ITGA1: variants seen among roughly 807,000 people sequenced by gnomAD.
ITGA1 encodes integrin alpha-1.
In ITGA1, 85 loss-of-function variants were observed where a neutral mutation model predicts 145.9. That is an observed-to-expected ratio of 0.58 (90% CI 0.49 to 0.70). The LOEUF is 0.70. Ranked by LOEUF, ITGA1 falls within the 30% of genes least tolerant of loss-of-function variation. The pLI, the probability that ITGA1 is intolerant of heterozygous loss-of-function variation, is 0.00. For synonymous variants in ITGA1, 520 were observed against 495.3 expected (o/e 1.05, Z -0.66); for missense variants, 1,351 against 1,418.7 (o/e 0.95, Z 0.77).
intron 6 of ITGA1, among the ~76,000 whole-genome samples, chr5:52,878,260 A>G (rs1417108128): frequency 6.6e-6 from 1 of 152,216 alleles, no homozygotes; most frequent in Non-Finnish European, 1.5e-5. Flanking sequence ...GAAGCAAAGT[A>G]TCCAGAGCAG....
At chr5:52,834,487 AAG>A (rs1399509239) in intron 1 of ITGA1, among the ~76,000 whole-genome samples, 4 of 151,528 alleles carry the variant, frequency 2.6e-5, no homozygotes, top group Non-Finnish European at 4.4e-5. Context: ...GAGAGAGAAA[AAG>A]AAGGAAGGAA....
intron 12 of ITGA1, among the ~76,000 whole-genome samples, chr5:52,908,052 T>C (rs1215671529): frequency 2.0e-5 from 3 of 151,924 alleles, no homozygotes; most frequent in Non-Finnish European, 2.9e-5. Flanking sequence ...TCATCTAGGG[T>C]AAGAGAATGG....
chr5:52,908,120 G>A (rs1579711382), intron 12 of ITGA1, among the ~76,000 whole-genome samples: 1 of 152,134 alleles, frequency 6.6e-6, no homozygotes, highest in East Asian at 1.9e-4. Context: ...TGAGAGTTGG[G>A]GAAGAAGCCA....
chr5:52,870,194 G>T (rs1749756611), intron 6 of ITGA1, among the ~76,000 whole-genome samples: 1 of 152,110 alleles, frequency 6.6e-6, no homozygotes, highest in Non-Finnish European at 1.5e-5. Context: ...TGATTTGTTT[G>T]TTTGTTTGTT....
At chr5:52,892,323 A>C (rs1321061614) in intron 8 of ITGA1, among the ~76,000 whole-genome samples, 3 of 152,148 alleles carry the variant, frequency 2.0e-5, no homozygotes, top group Non-Finnish European at 4.4e-5. Flanking sequence ...CAAGTGAACA[A>C]AAAAAACTGA....
chr5:52,875,059 T>G (rs1749844065), intron 6 of ITGA1, among the ~76,000 whole-genome samples: 1 of 152,188 alleles, frequency 6.6e-6, no homozygotes, highest in African/African-American at 2.4e-5. Context: ...CTTATAAGTC[T>G]AAATAGAACA....
chr5:52,798,312 G>C (rs1377114294), intron 1 of ITGA1, among the ~76,000 whole-genome samples: 1 of 152,078 alleles, frequency 6.6e-6, no homozygotes, highest in Admixed American at 6.5e-5. Context: ...GAGAAACAAA[G>C]AGAAAAGAGG....
At position 52,939,608 on chromosome 5, in the gene ITGA1, C is replaced by T; in HGVS notation, c.3097C>T (p.His1033Tyr). The T allele has an allele frequency of 6.2e-7, 1 of 1,611,490 alleles. No individual in the cohort carries two copies. The highest frequency in any genetic ancestry group is 2.2e-5 in the East Asian group (1 of 44,804). ...SSSENANCRP[H>Y]IFEDPFSINS... is the part of the protein sequence containing the mutation. ...TTTCTAGAATGCAAACTGCAGACCCCATATCTTTGAGGATCCTTTCAGTAT... is the reference window on the plus strand; with the variant it reads ...TTTCTAGAATGCAAACTGCAGACCCTATATCTTTGAGGATCCTTTCAGTAT... The change falls in exon 25 of 29, where the codon CAT becomes TAT. Residue 1033 changes from histidine to tyrosine, a missense_variant. Transcript: ENST00000282588.
chr5:52,889,137 G>C (rs1323747548), intron 8 of ITGA1, among the ~76,000 whole-genome samples: 1 of 151,076 alleles, frequency 6.6e-6, no homozygotes, highest in Non-Finnish European at 1.5e-5. Flanking sequence ...GTCTCGCTCT[G>C]TCACCCAGGC....
intron 6 of ITGA1, among the ~76,000 whole-genome samples, chr5:52,878,587 A>G (rs1749905045): frequency 6.6e-6 from 1 of 152,230 alleles, no homozygotes; most frequent in Non-Finnish European, 1.5e-5. Context: ...ATGTGAGCTC[A>G]TCCCCACATG....
chr5:52,907,350 T>A (rs1750426699), intron 12 of ITGA1, among the ~76,000 whole-genome samples: 1 of 152,128 alleles, frequency 6.6e-6, no homozygotes, highest in Admixed American at 6.6e-5. Flanking sequence ...GGAAGGGCCA[T>A]GACAGATATC....
chr5:52,871,007 T>C (rs1300068168), intron 6 of ITGA1, among the ~76,000 whole-genome samples: 2 of 152,202 alleles, frequency 1.3e-5, no homozygotes, highest in Admixed American at 6.5e-5. Context: ...CCTACCTCTG[T>C]CCCTGGAAGG....
intron 1 of ITGA1, chr5:52,799,948 A>C (rs1198518924): frequency 5.2e-6 from 1 of 192,060 alleles, no homozygotes; most frequent in Non-Finnish European, 1.1e-5. Flanking sequence ...ACTCGCCACC[A>C]CTCTGTGCAC....
intron 1 of ITGA1, among the ~76,000 whole-genome samples, chr5:52,812,331 C>T (rs1580040472): frequency 6.6e-6 from 1 of 152,256 alleles, no homozygotes; most frequent in Non-Finnish European, 1.5e-5. Flanking sequence ...AGGGGGCCTA[C>T]AGAAAGGTAG....
chr5:52,911,067 T>A (rs1365138343), intron 14 of ITGA1, among the ~76,000 whole-genome samples: 1 of 133,000 alleles, frequency 7.5e-6, no homozygotes, highest in Non-Finnish European at 1.5e-5. Flanking sequence ...ATAGTGTATA[T>A]AGTGTATATA....
intron 2 of ITGA1, 94 bp from the exon 3 acceptor site, chr5:52,861,353 G>A: frequency 1.4e-6 from 1 of 737,474 alleles, no homozygotes; most frequent in Non-Finnish European, 2.4e-6. Flanking sequence ...GATTATGAGT[G>A]TTATTGTCAA....
At chr5:52,828,229 C>A (rs554764663) in intron 1 of ITGA1, among the ~76,000 whole-genome samples, 26 of 152,296 alleles carry the variant, frequency 1.7e-4, no homozygotes, top group African/African-American at 6.0e-4. Flanking sequence ...AACTGCCAAA[C>A]TGTTTTCCAT....
In ITGA1 at chr5:52,813,738, G is replaced by A. The variant is rs140510540; in HGVS notation, c.61+25324G>A. Among the ~76,000 whole-genome samples the A allele has an allele frequency of 3.5e-3, 535 of 152,202 alleles. 4 individuals are homozygous for A. The highest frequency in any genetic ancestry group is 0.013 in the African/African-American group (522 of 41,524). Reference sequence around the variant, plus strand: ...TTCTATGAACCAGGAGCAGGATAACGGACTATTCTATATGCCTACATCTCC... The same window carrying A: ...TTCTATGAACCAGGAGCAGGATAACAGACTATTCTATATGCCTACATCTCC... On this transcript the variant is annotated intron_variant, in intron 1 of 28. Transcript: ENST00000282588.
At chr5:52,802,973 G>A (rs1188223905) in intron 1 of ITGA1, 1 of 152,140 alleles carries the variant, frequency 6.6e-6, no homozygotes, top group African/African-American at 2.4e-5. Context: ...TAAAAGTTAA[G>A]GAAGGAGCCT....
Sources: allele counts gnomAD v4.1 joint callset (sites outside exome capture counted in the v4.1 genomes callset), GRCh38; gene constraint gnomAD v4.1.1; transcripts MANE v1.5; gene names NCBI Gene and HGNC (gene_info 2026-07-23, HGNC 2026-07-21).